The following DOCK8 variants were observed in gnomAD, a reference collection of about 807,000 sequenced individuals.
DOCK8 encodes the protein dedicator of cytokinesis 8, also known as dedicator of cytokinesis protein 8.
In DOCK8, 141 loss-of-function variants were observed where a neutral mutation model predicts 245.6. That is an observed-to-expected ratio of 0.57 (90% CI 0.50 to 0.66). DOCK8 has a LOEUF of 0.66. DOCK8 is among the 30% of genes least tolerant of loss of function. The pLI is 0.00. For synonymous variants in DOCK8, 1,168 were observed against 970.2 expected, an observed-to-expected ratio of 1.20 and a Z score of -3.79; for missense variants, 2,965 against 2,603.4, an observed-to-expected ratio of 1.14 and a Z score of -3.02.
intron 46 of DOCK8, chr9:454,620 G>T (rs1238061583): frequency 6.6e-6 from 1 of 152,168 alleles, no homozygotes; most frequent in African/African-American, 2.4e-5. Context: ...GGACAAGGAG[G>T]AAAGATTGGA....
intron 28 of DOCK8, among the ~76,000 whole-genome samples, chr9:414,449 TCTATC>T (rs1362296838): frequency 6.6e-6 from 1 of 152,212 alleles, no homozygotes; most frequent in African/African-American, 2.4e-5. Context: ...TCTATGTAGT[TCTATC>T]CTATATTGCT....
chr9:403,958 A>ATGTG, intron 26 of DOCK8, among the ~76,000 whole-genome samples: 1 of 75,634 alleles, frequency 1.3e-5, no homozygotes, highest in African/African-American at 8.6e-5. Flanking sequence ...ATATATATAT[A>ATGTG]TGTATATATA....
rs2053285384 is a variant in DOCK8 at position 371,529 on chromosome 9, A to G, written c.1970A>G (p.Lys657Arg). Residue 657 changes from lysine (K) to arginine (R), a missense_variant, in exon 17 of 48, where the codon AAG (lysine) becomes AGG (arginine). Around this residue, in one of 3 missense-constraint regions of DOCK8, gnomAD observed 2,825 missense variants for 2,453.5 expected, o/e 1.15. Coordinates refer to ENST00000432829, the MANE Select transcript of DOCK8 (RefSeq NM_203447.4). ...TTCTACCATATCAGCTGTCAGCAGAAGCAAGGAGCCTCCGTGGAAACTCTC... is the reference window on the plus strand; with the variant it reads ...TTCTACCATATCAGCTGTCAGCAGAGGCAAGGAGCCTCCGTGGAAACTCTC... ...FTFYHISCQQ[K>R]QGASVETLLG... 3.1e-6 allele frequency: 5 copies of G among 1,614,226 alleles called. No individual in the cohort carries two copies. The highest frequency in any genetic ancestry group is 4.2e-6 in the Non-Finnish European group (5 of 1,180,030).
At chr9:419,153 A>T (rs10758556) in intron 30 of DOCK8, among the ~76,000 whole-genome samples, 10 of 152,076 alleles carry the variant, frequency 6.6e-5, no homozygotes, top group Non-Finnish European at 1.2e-4. Flanking sequence ...TCACATTTCA[A>T]TGTAGGGTAT....
At chr9:219,680 C>G (rs143604881) in intron 1 of DOCK8, among the ~76,000 whole-genome samples, 1 of 151,830 alleles carries the variant, frequency 6.6e-6, no homozygotes, top group African/African-American at 2.4e-5. Context: ...GTAGATGGCT[C>G]GAGCCCAGGA....
chr9:425,315 G>A (rs1197441133), intron 33 of DOCK8, among the ~76,000 whole-genome samples: 7 of 152,058 alleles, frequency 4.6e-5, no homozygotes, highest in African/African-American at 7.2e-5. Context: ...AGTGGATCAC[G>A]AGGTCAGGAG....
chr9:444,166 G>A (rs2131828076), intron 43 of DOCK8, among the ~76,000 whole-genome samples: 1 of 152,038 alleles, frequency 6.6e-6, no homozygotes, highest in East Asian at 1.9e-4. Flanking sequence ...CTAACACGTG[G>A]AGGTGGTATC....
At chr9:403,567 C>G (rs1381672001) in intron 26 of DOCK8, among the ~76,000 whole-genome samples, 1 of 151,994 alleles carries the variant, frequency 6.6e-6, no homozygotes, top group Non-Finnish European at 1.5e-5. Flanking sequence ...TGTAAAATGG[C>G]TGAAAATATG....
chr9:439,489 C>T, intron 40 of DOCK8, 101 bp downstream of exon 40: 1 of 1,500,878 alleles, frequency 6.7e-7, no homozygotes, highest in South Asian at 1.2e-5. Flanking sequence ...AGCCCCACTT[C>T]CCGAGGACAC....
intron 44 of DOCK8, among the ~76,000 whole-genome samples, chr9:447,311 G>C (rs1272771014): frequency 6.6e-6 from 1 of 152,118 alleles, no homozygotes; most frequent in Non-Finnish European, 1.5e-5. Flanking sequence ...ACACTTATTT[G>C]TCGTCCTTTT....
At chr9:221,100 T>G (rs1450504275) in intron 1 of DOCK8, among the ~76,000 whole-genome samples, 1 of 152,184 alleles carries the variant, frequency 6.6e-6, no homozygotes, top group Non-Finnish European at 1.5e-5. Context: ...AAAAACAGAT[T>G]GACACCTCTG....
At chr9:293,724 T>G (rs941771372) in intron 4 of DOCK8, among the ~76,000 whole-genome samples, 5 of 152,212 alleles carry the variant, frequency 3.3e-5, no homozygotes, top group African/African-American at 1.2e-4. Flanking sequence ...ATCTCTTCAT[T>G]TGGATGAGTT....
At chr9:334,857 G>A (rs961527270) in intron 11 of DOCK8, among the ~76,000 whole-genome samples, 2 of 152,092 alleles carry the variant, frequency 1.3e-5, no homozygotes, top group African/African-American at 4.8e-5. Flanking sequence ...CGAGGTAGGC[G>A]GATCGCTTGA....
intron 15 of DOCK8, chr9:368,513 TAC>T: frequency 3.5e-6 from 2 of 568,496 alleles, no homozygotes; most frequent in Middle Eastern, 4.7e-4. Flanking sequence ...CACTGTGTTA[TAC>T]ACACACAGTG....
At chr9:370,866 T>G (rs1343218517) in intron 16 of DOCK8, among the ~76,000 whole-genome samples, 1 of 152,244 alleles carries the variant, frequency 6.6e-6, no homozygotes, top group East Asian at 1.9e-4. Flanking sequence ...AATTAAGTCC[T>G]TCATTTAAGC....
At chr9:278,515 C>T (rs780645412) in intron 2 of DOCK8, among the ~76,000 whole-genome samples, 4 of 152,138 alleles carry the variant, frequency 2.6e-5, no homozygotes, top group Non-Finnish European at 5.9e-5. Context: ...GAGGGACAGA[C>T]GCAGACAAAT....
chr9:214,429 G>A (rs1447646277), upstream of DOCK8: 3 of 1,442,656 alleles, frequency 2.1e-6, no homozygotes, highest in Non-Finnish European at 2.9e-6. Flanking sequence ...TTTGAATCCT[G>A]ATAGATTCCA....
At chr9:282,736 T>C (rs929119554) in intron 2 of DOCK8, among the ~76,000 whole-genome samples, 16 of 152,192 alleles carry the variant, frequency 1.1e-4, no homozygotes, top group African/African-American at 2.9e-4. Flanking sequence ...ATGACAAGTA[T>C]TATTCTCTGG....
At chr9:446,346 C>T in intron 43 of DOCK8, 24 bp from the exon 44 acceptor site, 1 of 1,597,278 alleles carries the variant, frequency 6.3e-7, no homozygotes, top group Non-Finnish European at 8.6e-7. Context: ...CTCATCTTCT[C>T]CCTCCGTGCC....
Sources: allele counts gnomAD v4.1 joint callset (sites outside exome capture counted in the v4.1 genomes callset), GRCh38; gene constraint gnomAD v4.1.1; regional missense constraint gnomAD v4.1.1; transcripts MANE v1.5; gene names NCBI Gene and HGNC (gene_info 2026-07-23, HGNC 2026-07-21).